SLC9B1: variants seen among roughly 807,000 people sequenced by gnomAD.
The protein encoded by SLC9B1 is sodium/hydrogen exchanger 9B1.
In SLC9B1, 32 loss-of-function variants were observed where a neutral mutation model predicts 51.7. That is an observed-to-expected ratio of 0.62 (90% CI 0.47 to 0.83). The LOEUF (loss-of-function observed/expected upper bound fraction) is 0.83, where lower values mean the gene tolerates loss of function less well. Among genes scored for constraint, SLC9B1 ranks in the 40% least tolerant of loss-of-function variants. The pLI, the probability that SLC9B1 is intolerant of heterozygous loss-of-function variation, is 0.00. For missense variants in SLC9B1, 406 were observed against 613.2 expected, an observed-to-expected ratio of 0.66 and a Z score of 3.57; for synonymous variants, 145 against 212.7, an observed-to-expected ratio of 0.68 and a Z score of 2.77.
intron 6 of SLC9B1, among the ~76,000 whole-genome samples, chr4:102,934,970 T>C (rs2110461968): frequency 1.3e-5 from 2 of 152,230 alleles, no homozygotes; most frequent in South Asian, 4.1e-4. Flanking sequence ...CCCCCTTTTT[T>C]TCTTTTTCAT....
intron 7 of SLC9B1, among the ~76,000 whole-genome samples, chr4:102,928,027 G>T (rs1019269405): frequency 6.6e-6 from 1 of 151,680 alleles, no homozygotes; most frequent in Non-Finnish European, 1.5e-5. Context: ...ATTGAACAAT[G>T]AGATCACTTG....
chr4:102,932,729 T>C (rs1736521438), intron 6 of SLC9B1, among the ~76,000 whole-genome samples: 1 of 152,174 alleles, frequency 6.6e-6, no homozygotes, highest in Non-Finnish European at 1.5e-5. Context: ...AAGATACATG[T>C]GCTTCTAAAA....
At chr4:103,009,796 A>G (rs1414964703) in intron 1 of SLC9B1, among the ~76,000 whole-genome samples, 3 of 152,234 alleles carry the variant, frequency 2.0e-5, no homozygotes, top group Non-Finnish European at 4.4e-5. Context: ...TCTTGAGGTC[A>G]GATAAAAGAT....
At chr4:102,902,371 A>T (rs1328855168) in intron 11 of SLC9B1, among the ~76,000 whole-genome samples, 1 of 152,232 alleles carries the variant, frequency 6.6e-6, no homozygotes, top group Non-Finnish European at 1.5e-5. Flanking sequence ...TCAATAATTT[A>T]AAATGGTATC....
intron 11 of SLC9B1, chr4:102,888,026 ATTTG>A (rs1428445310): frequency 6.6e-6 from 1 of 152,054 alleles, no homozygotes; most frequent in Non-Finnish European, 1.5e-5. Flanking sequence ...AGTATAAAAG[ATTTG>A]TTTACTTTAC....
At chr4:102,956,191 C>T (rs560576802) in intron 3 of SLC9B1, among the ~76,000 whole-genome samples, 4 of 152,204 alleles carry the variant, frequency 2.6e-5, no homozygotes, top group Non-Finnish European at 5.9e-5. Flanking sequence ...TGTAACTCCA[C>T]AGGAGATGAT....
intron 3 of SLC9B1, among the ~76,000 whole-genome samples, chr4:102,951,008 C>G (rs1737526457): frequency 6.6e-6 from 1 of 151,804 alleles, no homozygotes; most frequent in African/African-American, 2.4e-5. Flanking sequence ...GAAAACAAAA[C>G]AAAACAAAAC....
chr4:102,919,493 G>A (rs1168920180), intron 7 of SLC9B1, among the ~76,000 whole-genome samples: 5 of 151,970 alleles, frequency 3.3e-5, no homozygotes, highest in Admixed American at 1.3e-4. Context: ...CATGATCGAC[G>A]CAGAAGACAG....
At chr4:102,991,576 T>C in intron 2 of SLC9B1, 67 bp downstream of exon 2, 1 of 1,106,996 alleles carries the variant, frequency 9.0e-7, no homozygotes. Context: ...AATAAGTAAA[T>C]TAGGAATAAA....
chr4:103,002,189 C>G (rs1041314377), intron 1 of SLC9B1, among the ~76,000 whole-genome samples: 7 of 152,192 alleles, frequency 4.6e-5, no homozygotes, highest in Non-Finnish European at 7.3e-5. Context: ...GGTGGGGACA[C>G]AGGCCCAAAC....
chr4:102,995,040 T>G (rs1740143652), intron 1 of SLC9B1, among the ~76,000 whole-genome samples: 1 of 152,192 alleles, frequency 6.6e-6, no homozygotes, highest in Non-Finnish European at 1.5e-5. Flanking sequence ...GTGAATCACC[T>G]AAGTTGTGTC....
chr4:102,925,528 G>A (rs1315112483), intron 7 of SLC9B1, among the ~76,000 whole-genome samples: 2 of 151,898 alleles, frequency 1.3e-5, no homozygotes, highest in Non-Finnish European at 2.9e-5. Flanking sequence ...TTGTGCACAT[G>A]TACCCTAGAA....
intron 9 of SLC9B1, among the ~76,000 whole-genome samples, chr4:102,909,775 T>C (rs1327188411): frequency 1.3e-5 from 2 of 152,304 alleles, no homozygotes; most frequent in African/African-American, 4.8e-5. Flanking sequence ...TTATTCTATA[T>C]GTTTTATTCT....
At chr4:103,000,056 G>A (rs188641265) in intron 1 of SLC9B1, among the ~76,000 whole-genome samples, 1 of 152,116 alleles carries the variant, frequency 6.6e-6, no homozygotes, top group Non-Finnish European at 1.5e-5. Flanking sequence ...TCATGAGAAC[G>A]CATTCACTGT....
intron 1 of SLC9B1, chr4:103,016,745 C>T (rs1741377843): frequency 6.6e-6 from 1 of 151,974 alleles, no homozygotes; most frequent in African/African-American, 2.4e-5. Flanking sequence ...CATGAGCCAC[C>T]ATGCCCGGCC....
chr4:102,921,671 A>C (rs1735886000), intron 7 of SLC9B1, among the ~76,000 whole-genome samples: 1 of 152,224 alleles, frequency 6.6e-6, no homozygotes, highest in South Asian at 2.1e-4. Context: ...GACCCATCTA[A>C]CGTGCAGAGA....
intron 7 of SLC9B1, among the ~76,000 whole-genome samples, chr4:102,925,307 G>GA (rs1196608786): frequency 4.6e-5 from 7 of 152,048 alleles, no homozygotes; most frequent in African/African-American, 1.7e-4. Flanking sequence ...CACAAGGACA[G>GA]AAAACCAAAC....
At chr4:102,994,341 G>A (rs1323801200) in intron 1 of SLC9B1, among the ~76,000 whole-genome samples, 1 of 152,150 alleles carries the variant, frequency 6.6e-6, no homozygotes, top group South Asian at 2.1e-4. Context: ...AGCATAGCAA[G>A]AGTGACCTTT....
At chr4:102,934,606 T>C (rs535230060) in intron 6 of SLC9B1, among the ~76,000 whole-genome samples, 3 of 151,914 alleles carry the variant, frequency 2.0e-5, no homozygotes, top group South Asian at 2.1e-4. Flanking sequence ...CTGGCCAACA[T>C]TGTGAAACCA....
Sources: gnomAD v4.1 joint callset for allele counts (sites outside exome capture counted in the v4.1 genomes callset) on GRCh38, gnomAD v4.1.1 for gene constraint, MANE v1.5 for transcripts, NCBI Gene and HGNC (gene_info 2026-07-23, HGNC 2026-07-21) for gene names.